CEPT1: variants seen among roughly 807,000 people sequenced by gnomAD.
CEPT1 encodes choline/ethanolamine phosphotransferase 1.
In CEPT1, 7 loss-of-function variants were observed where a neutral mutation model predicts 42.6. That is an observed-to-expected ratio of 0.16 (90% CI 0.09 to 0.31). The LOEUF (loss-of-function observed/expected upper bound fraction) is 0.31. Among genes scored for constraint, CEPT1 ranks in the 10% least tolerant of loss-of-function variants. The pLI is 1.00. For missense variants in CEPT1, 306 were observed against 502.1 expected (o/e 0.61, Z 3.73); for synonymous variants, 171 against 171.9 (o/e 0.99, Z 0.04).
At chr1:111,155,658 C>A (rs1423982709) in intron 2 of CEPT1, among the ~76,000 whole-genome samples, 1 of 152,096 alleles carries the variant, frequency 6.6e-6, no homozygotes, top group Non-Finnish European at 1.5e-5. Context: ...CCTGCCTCAG[C>A]CTCCCGAGTA....
chr1:111,158,936 C>T (rs1353198629), intron 2 of CEPT1, among the ~76,000 whole-genome samples: 7 of 73,372 alleles, frequency 9.5e-5, no homozygotes, highest in South Asian at 5.0e-4. Context: ...TTTTTTGAGA[C>T]GGAGTCTCGC....
At chr1:111,142,747 T>C (rs1654726729) in intron 1 of CEPT1, among the ~76,000 whole-genome samples, 1 of 152,172 alleles carries the variant, frequency 6.6e-6, no homozygotes, top group African/African-American at 2.4e-5. Flanking sequence ...AAGACAGGCT[T>C]GGCCCATGCA....
chr1:111,143,791 A>G (rs917550402), intron 1 of CEPT1, among the ~76,000 whole-genome samples: 1 of 152,024 alleles, frequency 6.6e-6, no homozygotes, highest in African/African-American at 2.4e-5. Context: ...GGGCTGGAGT[A>G]CAGTGGCGTG....
chr1:111,161,434 A>G (rs1022680304), intron 4 of CEPT1, 138 bp downstream of exon 4: 46 of 784,410 alleles, frequency 5.9e-5, no homozygotes, highest in Non-Finnish European at 8.8e-5. Flanking sequence ...TCATTATTAT[A>G]GCTATTTCCT....
intron 1 of CEPT1, among the ~76,000 whole-genome samples, chr1:111,146,268 C>T (rs1654959072): frequency 6.6e-6 from 1 of 151,988 alleles, no homozygotes; most frequent in African/African-American, 2.4e-5. Flanking sequence ...ACCAAAACTC[C>T]AGTTTTTTGA....
chr1:111,170,200 G>A (rs2101357149), intron 4 of CEPT1, among the ~76,000 whole-genome samples: 1 of 152,226 alleles, frequency 6.6e-6, no homozygotes, highest in East Asian at 1.9e-4. Context: ...TGTTTTCAAA[G>A]GTGATAAAGA....
chr1:111,155,700 G>A (rs939158430), intron 2 of CEPT1, among the ~76,000 whole-genome samples: 3 of 151,910 alleles, frequency 2.0e-5, no homozygotes, highest in Admixed American at 6.6e-5. Flanking sequence ...CACCACACCC[G>A]GCTAATTTTG....
chr1:111,177,465 T>C (rs2101388817), intron 5 of CEPT1, among the ~76,000 whole-genome samples: 1 of 152,336 alleles, frequency 6.6e-6, no homozygotes, highest in South Asian at 2.1e-4. Flanking sequence ...TGATTAGGGA[T>C]GCTCAACCTG....
At chr1:111,183,649 T>A in intron 8 of CEPT1, 62 bp downstream of exon 8, 1 of 1,486,440 alleles carries the variant, frequency 6.7e-7, no homozygotes. Context: ...TGTTTTCTTA[T>A]TTTGATGACC....
At chr1:111,163,627 G>T (rs896390957) in intron 4 of CEPT1, among the ~76,000 whole-genome samples, 1 of 151,646 alleles carries the variant, frequency 6.6e-6, no homozygotes, top group Non-Finnish European at 1.5e-5. Context: ...AGAAATGCAG[G>T]CTAAGTGCTC....
chr1:111,147,981 C>T lies in CEPT1; in HGVS notation c.267C>T (p.Thr89=), dbSNP rs374881448. 8.1e-6 allele frequency: 13 copies of T among 1,614,038 alleles called. No individual in the cohort carries two copies. In the African/African-American group the frequency reaches 1.3e-4, roughly 17 times the overall value. Residue 89 remains threonine, a synonymous_variant, in exon 2 of 9, where the codon ACC becomes ACT. Coordinates refer to ENST00000357172, the MANE Select transcript of CEPT1 (RefSeq NM_006090.5). ...VPSWIAPNLI[T]IIGLSINICT... is the part of the protein sequence containing the mutation. ...CCTGGATTGCCCCAAATCTCATCAC[C>T]ATCATTGGACTGTCAATAAACATCT...
At position 111,184,235 on chromosome 1, in the gene CEPT1, CA is replaced by C; in HGVS notation, c.1178del (p.Asn393IlefsTer31). ...DLIRYCVSVC[N>X]QIASHLHIHV... ...TGATCCGCTACTGTGTCAGTGTTTGCAATCAGATTGCGTCTCACCTGCACAT... is the reference window on the plus strand; with the variant it reads ...TGATCCGCTACTGTGTCAGTGTTTGCATCAGATTGCGTCTCACCTGCACAT... On this transcript the variant is annotated frameshift_variant, in exon 9 of 9. Transcript: ENST00000357172. LOFTEE classifies it high-confidence loss of function. 1 of 1,613,494 alleles carries C rather than the reference CA, an allele frequency of 6.2e-7. No individual in the cohort carries two copies. Among genetic ancestry groups the C allele is most frequent in the Non-Finnish European group, 8.5e-7 (1 of 1,179,514 alleles).
intron 1 of CEPT1, among the ~76,000 whole-genome samples, chr1:111,143,064 T>C (rs1181596879): frequency 6.6e-6 from 1 of 152,282 alleles, no homozygotes; most frequent in Non-Finnish European, 1.5e-5. Context: ...CAAATAATTT[T>C]GGCTGTGTTC....
intron 2 of CEPT1, among the ~76,000 whole-genome samples, chr1:111,155,588 G>A (rs1297458738): frequency 6.6e-6 from 1 of 151,826 alleles, no homozygotes; most frequent in East Asian, 1.9e-4. Flanking sequence ...TGTCCGGGCT[G>A]GAGTGCAATG....
In CEPT1 at chr1:111,153,093, G is replaced by T. The variant is rs529804943; in HGVS notation, c.339+5040G>T. 3.5e-3 allele frequency among the ~76,000 whole-genome samples: 530 copies of T among 152,128 alleles called. 2 individuals are homozygous for T. The highest frequency in any genetic ancestry group is 6.0e-3 in the Non-Finnish European group (408 of 67,988). ...ACTCCTCCTACATAGCTGTAACTTT[G>T]CTTCTGTTAAACAACCTGTCCCTAT... On this transcript the variant is annotated intron_variant, in intron 2 of 8. Coordinates refer to ENST00000357172, the MANE Select transcript of CEPT1 (RefSeq NM_006090.5).
chr1:111,157,060 A>G (rs1010313647), intron 2 of CEPT1, among the ~76,000 whole-genome samples: 2 of 152,158 alleles, frequency 1.3e-5, no homozygotes, highest in Admixed American at 1.3e-4. Flanking sequence ...GATCATATTT[A>G]TTCCTGAATT....
In CEPT1 at chr1:111,159,063, G is replaced by A. The variant is rs370453357; in HGVS notation, c.340-317G>A. ...CAAGTAGCTAGGACTACAGGCGCCC[G>A]CCACTACGCCCGGCTAATTTTTTGT... On this transcript the variant is annotated intron_variant, in intron 2 of 8. Transcript: ENST00000357172. Among the ~76,000 whole-genome samples the A allele has an allele frequency of 7.2e-4, 109 of 150,652 alleles. No homozygotes were observed. In the East Asian group the frequency reaches 0.019, roughly 27 times the overall value.
intron 4 of CEPT1, among the ~76,000 whole-genome samples, chr1:111,162,507 A>G (rs1655926540): frequency 6.6e-6 from 1 of 152,088 alleles, no homozygotes; most frequent in Admixed American, 6.6e-5. Flanking sequence ...AGGAAGAGGA[A>G]CCTATTTAAA....
chr1:111,154,547 C>T (rs77416172), intron 2 of CEPT1, among the ~76,000 whole-genome samples: 3,538 of 152,232 alleles, frequency 0.023, 143 homozygotes, highest in African/African-American at 0.08. Flanking sequence ...GGAAAGTGGG[C>T]ATCCTTGTCT....
Sources: gnomAD v4.1 joint callset for allele counts (sites outside exome capture counted in the v4.1 genomes callset) on GRCh38, gnomAD v4.1.1 for gene constraint, MANE v1.5 for transcripts, NCBI Gene and HGNC (gene_info 2026-07-23, HGNC 2026-07-21) for gene names.